TMEM179: variants seen among roughly 807,000 people sequenced by gnomAD.
The protein encoded by TMEM179 is transmembrane protein 179A.
In TMEM179, 17 loss-of-function variants were observed where a neutral mutation model predicts 22.2. That is an observed-to-expected ratio of 0.77 (90% CI 0.52 to 1.15). The LOEUF (loss-of-function observed/expected upper bound fraction) is 1.15. TMEM179 is among the 50% of genes most tolerant of loss of function. TMEM179 has a pLI of 0.00. For synonymous variants in TMEM179, 127 were observed against 140.5 expected (o/e 0.90, Z 0.68); for missense variants, 265 against 313.6 (o/e 0.84, Z 1.17).
Position 104,594,477 on chromosome 14 carries a change from C to T in TMEM179, c.522+688G>A, listed in dbSNP as rs550392845. 86 of 1,231,824 alleles carry T rather than the reference C, an allele frequency of 7.0e-5. No individual in the cohort carries two copies. In the African/African-American group the frequency reaches 1.3e-3, roughly 18 times the overall value. 76.3% of individuals were successfully genotyped at this position (1,231,824 alleles called of 1,614,324 possible). A position where few individuals can be genotyped will look rare whatever the true frequency, so the allele number is the denominator to read the frequency against. On this transcript the variant is annotated intron_variant, in intron 3 of 3. Coordinates refer to ENST00000556573, the MANE Select transcript of TMEM179 (RefSeq NM_001286389.2). ...ACCCCCACCCGGCACCCCTCATCTG[C>T]CTCATCTCCGTCTGGGGCACATCTG...
intron 3 of TMEM179, 57 bp from the exon 4 acceptor site, chr14:104,593,715 C>G (rs1301336626): frequency 1.4e-6 from 2 of 1,425,414 alleles, no homozygotes; most frequent in Admixed American, 2.9e-5. Flanking sequence ...GTCAGTGCAA[C>G]CCCCTCCCAC....
chr14:104,593,592 GGT>G lies in TMEM179; in HGVS notation c.587_588del (p.Tyr196SerfsTer137). ...AITTLAFLKV[Y>X]HNYRQEDLLD... is the part of the protein sequence containing the mutation. ...AGCAGGTCCTCCTGACGGTAGTTGT[GGT>G]AGACCTTCAGGAAGGCCAGCGTGGT... On this transcript the variant is annotated frameshift_variant, in exon 4 of 4. Coordinates refer to ENST00000556573, the MANE Select transcript of TMEM179 (RefSeq NM_001286389.2). LOFTEE classifies it high-confidence loss of function. 1 of 1,520,480 alleles carries G rather than the reference GGT, an allele frequency of 6.6e-7. No individual in the cohort carries two copies. Among genetic ancestry groups the G allele is most frequent in the Non-Finnish European group, 8.8e-7 (1 of 1,137,028 alleles). The allele number at this position is 1,520,480 out of a possible 1,614,324, so 94.2% of individuals were successfully genotyped here.
chr14:104,594,382 G>A (rs927395132), intron 3 of TMEM179: 9 of 1,231,654 alleles, frequency 7.3e-6, no homozygotes, highest in Non-Finnish European at 8.1e-6. Context: ...CCAGCCTGGG[G>A]TCCGGAATTG....
chr14:104,596,569 C>G (rs1414842253), intron 2 of TMEM179, among the ~76,000 whole-genome samples: 1 of 152,208 alleles, frequency 6.6e-6, no homozygotes, highest in African/African-American at 2.4e-5. Flanking sequence ...TGGGCTCTCC[C>G]ATGCAGCCAG....
intron 1 of TMEM179, among the ~76,000 whole-genome samples, chr14:104,601,896 C>A (rs552991129): frequency 6.6e-6 from 1 of 152,176 alleles, no homozygotes; most frequent in Admixed American, 6.5e-5. Context: ...CCCTAACCCC[C>A]ACAGGCCTGA....
rs571928498 is a variant in TMEM179 at position 104,595,393 on chromosome 14, G to T, written c.444-150C>A. 2.5e-5 allele frequency: 18 copies of T among 722,472 alleles called. 1 individual carries two copies. The East Asian group carries it at 4.7e-4, about 19-fold the overall frequency. 44.8% of individuals were successfully genotyped at this position (722,472 alleles called of 1,614,324 possible). A position where few individuals can be genotyped will look rare whatever the true frequency, so the allele number is the denominator to read the frequency against. On this transcript the variant is annotated intron_variant, in intron 2 of 3. Coordinates refer to ENST00000556573, the MANE Select transcript of TMEM179 (RefSeq NM_001286389.2). The surrounding 1 kb of genome is among the most constrained non-coding windows in gnomAD (Gnocchi z 5.7). The stretch of plus-strand genomic sequence containing the variant: ...GGGAGTCTCTGGGGACATCACGGAG[G>T]GTTAGCCTCGATGCCTCCTCCATGG...
At chr14:104,601,099 C>G (rs551239434) in intron 1 of TMEM179, among the ~76,000 whole-genome samples, 28 of 152,334 alleles carry the variant, frequency 1.8e-4, no homozygotes, top group African/African-American at 6.5e-4. Context: ...GTCCTGAGTC[C>G]CCTTTACCTA....
intron 1 of TMEM179, among the ~76,000 whole-genome samples, chr14:104,601,695 A>C (rs1887245917): frequency 6.6e-6 from 1 of 152,188 alleles, no homozygotes; most frequent in Non-Finnish European, 1.5e-5. Context: ...TCCCTGGAAA[A>C]GAGCAGGCTG....
At chr14:104,594,695 A>G in intron 3 of TMEM179, 1 of 1,180,586 alleles carries the variant, frequency 8.5e-7, no homozygotes, top group South Asian at 4.3e-5. Flanking sequence ...TGAATTCACA[A>G]GTGGGATCCC....
In TMEM179 at chr14:104,592,321, T is replaced by TCACACTCACATCCTCCCAGG. The variant is rs1886875381; in HGVS notation, c.*1138_*1157dup. On this transcript the variant is annotated 3_prime_UTR_variant, in exon 4 of 4. Transcript: ENST00000556573. ...ACTCATGTCACAGGGAGTCACACCC[T>TCACACTCACATCCTCCCAGG]CACACTCACATCCTCCCAGGCACAC... 1 of 153,654 alleles carries TCACACTCACATCCTCCCAGG rather than the reference T, an allele frequency of 6.5e-6. No individual in the cohort carries two copies. Among genetic ancestry groups the TCACACTCACATCCTCCCAGG allele is most frequent in the Admixed American group, 6.5e-5 (1 of 15,294 alleles). 9.5% of individuals were successfully genotyped at this position (153,654 alleles called of 1,614,324 possible). A position where few individuals can be genotyped will look rare whatever the true frequency, so the allele number is the denominator to read the frequency against.
At chr14:104,594,917 T>C in intron 3 of TMEM179, 4 of 1,116,670 alleles carry the variant, frequency 3.6e-6, no homozygotes, top group Non-Finnish European at 3.3e-6. Flanking sequence ...CCCCAGGGCC[T>C]TGCCACTTCC....
intron 3 of TMEM179, 122 bp from the exon 4 acceptor site, chr14:104,593,780 G>A (rs1886921719): frequency 1.7e-6 from 2 of 1,189,622 alleles, no homozygotes; most frequent in African/African-American, 1.6e-5. Flanking sequence ...GAAGGAGGAG[G>A]CCGGGGACAT....
At chr14:104,599,384 C>G (rs1388457624) in intron 1 of TMEM179, among the ~76,000 whole-genome samples, 5 of 152,190 alleles carry the variant, frequency 3.3e-5, no homozygotes. Context: ...GTCACTGCTC[C>G]TCTCCAGGTG....
intron 3 of TMEM179, chr14:104,594,257 T>C (rs1886942472): frequency 8.1e-7 from 1 of 1,231,660 alleles, no homozygotes; most frequent in Non-Finnish European, 1.0e-6. Flanking sequence ...CTTTGACAGG[T>C]CCAGTTCATC....
chr14:104,601,949 G>A (rs928429351), intron 1 of TMEM179, among the ~76,000 whole-genome samples: 1 of 152,136 alleles, frequency 6.6e-6, no homozygotes, highest in Non-Finnish European at 1.5e-5. Context: ...CATATGGGCC[G>A]GTCAGCAGGG....
rs1886939469 is a variant in TMEM179 at position 104,594,195 on chromosome 14, G to T, written c.523-537C>A. The T allele has an allele frequency of 8.9e-6, 11 of 1,231,794 alleles. No homozygotes were observed. The South Asian group carries it at 4.5e-4, about 51-fold the overall frequency. The allele number at this position is 1,231,794 out of a possible 1,614,324, so 76.3% of individuals were successfully genotyped here. On this transcript the variant is annotated intron_variant, in intron 3 of 3. Transcript: ENST00000556573. ...CTGCACTCACACCTTAATCCAACTG[G>T]CACAAATTAGGCCTGAGGCCTCTTC...
chr14:104,594,203 T>C, intron 3 of TMEM179: 1 of 1,231,914 alleles, frequency 8.1e-7, no homozygotes, highest in Non-Finnish European at 1.0e-6. Context: ...TGGCACAAAT[T>C]AGGCCTGAGG....
At position 104,593,102 on chromosome 14, in the gene TMEM179, C is replaced by A. The variant is rs112143215; in HGVS notation, c.*377G>T. On this transcript the variant is annotated 3_prime_UTR_variant, in exon 4 of 4. Coordinates refer to ENST00000556573, the MANE Select transcript of TMEM179 (RefSeq NM_001286389.2). ...TAAGTGACATCTGGCCACCCCTGGG[C>A]CAGCTGGCATGGAGACAGCATCCGG... 1.0e-3 allele frequency: 282 copies of A among 281,506 alleles called. 1 individual carries two copies. The highest frequency in any genetic ancestry group is 5.7e-3 in the African/African-American group (261 of 45,754). 17.4% of individuals were successfully genotyped at this position (281,506 alleles called of 1,614,324 possible).
intron 2 of TMEM179, among the ~76,000 whole-genome samples, 187 bp downstream of exon 2, chr14:104,596,803 C>T (rs142945393): frequency 1.3e-5 from 2 of 152,248 alleles, no homozygotes; most frequent in Non-Finnish European, 2.9e-5. Flanking sequence ...AGGTGTCTGA[C>T]ATTGCAGGGT....
Sources: gnomAD v4.1 joint callset for allele counts (sites outside exome capture counted in the v4.1 genomes callset) on GRCh38, gnomAD v4.1.1 for gene constraint, Gnocchi (gnomAD v3.1) non-coding constraint, MANE v1.5 for transcripts, NCBI Gene and HGNC (gene_info 2026-07-23, HGNC 2026-07-21) for gene names.